DIDO1: variants seen among roughly 807,000 people sequenced by gnomAD.
DIDO1 encodes the protein death-inducer obliterator 1.
In DIDO1, 16 loss-of-function variants were observed where a neutral mutation model predicts 99.4. That is an observed-to-expected ratio of 0.16 (90% CI 0.11 to 0.24). The LOEUF is 0.24. Ranked by LOEUF, DIDO1 falls within the 10% of genes least tolerant of loss-of-function variation. The pLI, the probability that DIDO1 is intolerant of heterozygous loss-of-function variation, is 1.00. For missense variants in DIDO1, 2,996 were observed against 3,014.0 expected (o/e 0.99, Z 0.14); for synonymous variants, 1,366 against 1,239.1 (o/e 1.10, Z -2.15).
At chr20:62,888,376 A>T (rs900729871) in intron 15 of DIDO1, 1 of 985,474 alleles carries the variant, frequency 1.0e-6, no homozygotes, top group Non-Finnish European at 1.2e-6. Flanking sequence ...GCAGACGGGC[A>T]GCTCAAGGCT....
intron 3 of DIDO1, among the ~76,000 whole-genome samples, 176 bp downstream of exon 3, chr20:62,910,598 G>A (rs1389616395): frequency 1.3e-5 from 2 of 152,250 alleles, no homozygotes; most frequent in Non-Finnish European, 1.5e-5. Flanking sequence ...TACCAGAGTG[G>A]AGAGGTGGCT....
chr20:62,905,860 G>A, intron 6 of DIDO1, 27 bp downstream of exon 6: 2 of 1,614,152 alleles, frequency 1.2e-6, no homozygotes, highest in Non-Finnish European at 8.5e-7. Context: ...GAGGGGTCCA[G>A]GAGGCCAACC....
intron 15 of DIDO1, chr20:62,890,427 A>G: frequency 1.0e-6 from 1 of 990,504 alleles, no homozygotes; most frequent in Non-Finnish European, 1.2e-6. Context: ...ACGTGCAAAC[A>G]CAAAATAGCT....
At chr20:62,899,673 C>T (rs550685901) in intron 6 of DIDO1, among the ~76,000 whole-genome samples, 25 of 152,324 alleles carry the variant, frequency 1.6e-4, no homozygotes, top group African/African-American at 5.5e-4. Flanking sequence ...TAACTGCTCC[C>T]TTTCTAAAGG....
rs1340859162 is a variant in DIDO1 at position 62,894,052 on chromosome 20, C to G, written c.2715G>C (p.Glu905Asp). The G allele has an allele frequency of 6.2e-7, 1 of 1,614,120 alleles. No homozygotes were observed. Among genetic ancestry groups the G allele is most frequent in the African/African-American group, 1.3e-5 (1 of 74,942 alleles). The change falls in exon 12 of 16, where the codon GAG becomes GAC. Residue 905 changes from glutamate (E) to aspartate (D), a missense_variant. Coordinates refer to ENST00000395343, the MANE Select transcript of DIDO1 (RefSeq NM_001193369.2). The surrounding 1 kb of genome is among the most constrained non-coding windows in gnomAD (Gnocchi z 4.4). ...GCTCAGAGGCAACTTCAGGCACAGC[C>G]TCCGGCATCACCTCATCAGCTGAAT... ...APDSADEVMP[E>D]AVPEVASEPG...
Position 62,882,100 on chromosome 20 carries a change from G to A in DIDO1, c.3856C>T (p.Pro1286Ser). The A allele has an allele frequency of 1.9e-6, 3 of 1,613,324 alleles. No homozygotes were observed. The highest frequency in any genetic ancestry group is 1.1e-5 in the South Asian group (1 of 91,082). ...LSSLKPAAPS[P>S]ATAATTAAAA... is the part of the protein sequence containing the mutation. ...GCTGCTGTTGTGGCTGCTGTGGCTG[G>A]GCTGGGGGCTGCAGGTTTGAGGGAT... Residue 1286 changes from proline (P) to serine (S), a missense_variant, in exon 16 of 16, where the codon CCA (proline) becomes TCA (serine). By Grantham distance (74) the Pro-to-Ser change is moderately conservative. Transcript: ENST00000395343.
chr20:62,901,412 T>A (rs1024001877), intron 6 of DIDO1, among the ~76,000 whole-genome samples: 5 of 152,258 alleles, frequency 3.3e-5, no homozygotes, highest in Admixed American at 2.6e-4. Context: ...TGTGCCCAGC[T>A]GCACATGGTG....
intron 2 of DIDO1, among the ~76,000 whole-genome samples, chr20:62,912,789 C>T (rs1256123796): frequency 2.0e-5 from 3 of 152,132 alleles, no homozygotes; most frequent in Admixed American, 6.5e-5. Flanking sequence ...CCCAGCACTT[C>T]GGGAGGCCGA....
At chr20:62,897,581 G>C (rs1295392313) in intron 6 of DIDO1, among the ~76,000 whole-genome samples, 1 of 152,238 alleles carries the variant, frequency 6.6e-6, no homozygotes, top group Non-Finnish European at 1.5e-5. Flanking sequence ...CGTGAAGAGT[G>C]AGAAGCTGAG....
intron 1 of DIDO1, among the ~76,000 whole-genome samples, chr20:62,917,637 A>C (rs73314648): frequency 0.072 from 10,954 of 152,272 alleles, 496 homozygotes; most frequent in Middle Eastern, 0.13. Context: ...GTGGGGATGC[A>C]GCAGAAGCTT....
At chr20:62,889,205 G>A (rs1030669201) in intron 15 of DIDO1, 2 of 985,454 alleles carry the variant, frequency 2.0e-6, no homozygotes, top group Non-Finnish European at 2.4e-6. Flanking sequence ...GAGGTGCTGG[G>A]AGACCTGTCC....
intron 6 of DIDO1, among the ~76,000 whole-genome samples, 165 bp from the exon 7 acceptor site, chr20:62,897,161 T>G (rs979849451): frequency 6.6e-6 from 1 of 151,900 alleles, no homozygotes; most frequent in Non-Finnish European, 1.5e-5. Flanking sequence ...TTCAGAGGAG[T>G]GTAAGGGAGG....
At chr20:62,904,771 CTCT>C (rs1417705190) in intron 6 of DIDO1, among the ~76,000 whole-genome samples, 4 of 78,772 alleles carry the variant, frequency 5.1e-5, no homozygotes, top group African/African-American at 1.4e-4. Flanking sequence ...CAGAGCAAGA[CTCT>C]TGTCTCAAAA....
chr20:62,904,807 A>AAAAAG (rs1568859998), intron 6 of DIDO1, among the ~76,000 whole-genome samples: 2 of 141,704 alleles, frequency 1.4e-5, no homozygotes, highest in African/African-American at 5.3e-5. Context: ...AAAAAAAAAA[A>AAAAAG]GTGTCTTTTT....
intron 6 of DIDO1, chr20:62,905,269 G>A (rs868497540): frequency 7.4e-7 from 1 of 1,359,336 alleles, no homozygotes; most frequent in East Asian, 2.9e-5. Context: ...TGGGGCCTAT[G>A]AAGCAGGAGT....
At chr20:62,917,375 A>G (rs1568880130) in intron 1 of DIDO1, among the ~76,000 whole-genome samples, 1 of 152,202 alleles carries the variant, frequency 6.6e-6, no homozygotes, top group Non-Finnish European at 1.5e-5. Flanking sequence ...ATTACTAGAA[A>G]GCCATCAGGT....
intron 1 of DIDO1, among the ~76,000 whole-genome samples, chr20:62,918,909 GA>G (rs2065085773): frequency 6.6e-6 from 1 of 152,136 alleles, no homozygotes; most frequent in Non-Finnish European, 1.5e-5. Flanking sequence ...ATTACCCAAT[GA>G]AAGACTCTTG....
At chr20:62,903,861 G>A (rs1351418637) in intron 6 of DIDO1, among the ~76,000 whole-genome samples, 1 of 152,176 alleles carries the variant, frequency 6.6e-6, no homozygotes, top group Non-Finnish European at 1.5e-5. Flanking sequence ...GCAAAGAAGG[G>A]AAGAGGGAGA....
At chr20:62,891,187 G>C (rs2064390118) in intron 14 of DIDO1, 32 bp from the exon 15 acceptor site, 1 of 1,612,298 alleles carries the variant, frequency 6.2e-7, no homozygotes, top group Non-Finnish European at 8.5e-7. Flanking sequence ...CACTCATAAA[G>C]AAAATGTGGC....
Sources: gnomAD v4.1 joint callset for allele counts (sites outside exome capture counted in the v4.1 genomes callset) on GRCh38, gnomAD v4.1.1 for gene constraint, Gnocchi (gnomAD v3.1) non-coding constraint, MANE v1.5 for transcripts, NCBI Gene and HGNC (gene_info 2026-07-23, HGNC 2026-07-21) for gene names.